Variants in SULT1E1 observed in about 807,000 individuals in gnomAD.
SULT1E1 encodes sulfotransferase 1E1.
In SULT1E1, 36 loss-of-function variants were observed where a neutral mutation model predicts 33.6. The observed-to-expected ratio is 1.07, with a 90% CI of 0.82 to 1.41. The LOEUF is 1.41. Ranked by LOEUF, SULT1E1 falls within the 40% of genes most tolerant of loss-of-function variation. The pLI, the probability that SULT1E1 is intolerant of heterozygous loss-of-function variation, is 0.00. For missense variants in SULT1E1, 371 were observed against 345.7 expected, an observed-to-expected ratio of 1.07 and a Z score of -0.58; for synonymous variants, 121 against 111.7, an observed-to-expected ratio of 1.08 and a Z score of -0.53.
the SULT1E1 span, among the ~76,000 whole-genome samples, chr4:69,825,534 G>C: frequency 6.6e-6 from 1 of 152,104 alleles, no homozygotes; most frequent in Admixed American, 6.6e-5. Flanking sequence ...AAAGCAACTA[G>C]CATGCCTGCT....
chr4:69,853,352 A>G (rs989333854), intron 4 of SULT1E1, among the ~76,000 whole-genome samples: 4 of 152,154 alleles, frequency 2.6e-5, no homozygotes, highest in African/African-American at 9.7e-5. Context: ...CCTCATTACC[A>G]TTAAAATGTC....
chr4:69,831,670 G>A, the SULT1E1 span, among the ~76,000 whole-genome samples: 2 of 152,024 alleles, frequency 1.3e-5, no homozygotes, highest in Non-Finnish European at 1.5e-5. Context: ...CTCCCTTTAC[G>A]ATGTGCACTC....
chr4:69,845,605 T>C (rs967305717), intron 6 of SULT1E1, among the ~76,000 whole-genome samples: 13 of 151,296 alleles, frequency 8.6e-5, no homozygotes, highest in African/African-American at 2.4e-4. Flanking sequence ...ATAGTGATAA[T>C]GTCTTGATTT....
downstream of SULT1E1, among the ~76,000 whole-genome samples, chr4:69,838,937 G>A (rs1720837705): frequency 6.6e-6 from 1 of 152,056 alleles, no homozygotes. Flanking sequence ...TCTTCTGTAT[G>A]GTATATTTAT....
At chr4:69,837,762 T>G (rs1720817437), downstream of SULT1E1, among the ~76,000 whole-genome samples, 1 of 152,094 alleles carries the variant, frequency 6.6e-6, no homozygotes. Context: ...AACTCCTAGG[T>G]TCAAGCAGAC....
At position 69,843,846 on chromosome 4, in the gene SULT1E1, C is replaced by T. The variant is rs138856441; in HGVS notation, c.772+315G>A. The stretch of plus-strand genomic sequence containing the variant: ...AATTTCTGGTTAGAACTTAAAGGAA[C>T]TATATGATACATGTTGTAACACTGA... On this transcript the variant is annotated intron_variant, in intron 7 of 7. Transcript: ENST00000226444. Among the ~76,000 whole-genome samples, 233 of 152,284 alleles carry T rather than the reference C, an allele frequency of 1.5e-3. 1 individual carries two copies. Among genetic ancestry groups the T allele is most frequent in the African/African-American group, 4.7e-3 (195 of 41,576 alleles).
the SULT1E1 span, among the ~76,000 whole-genome samples, chr4:69,829,757 A>G: frequency 6.6e-6 from 1 of 152,160 alleles, no homozygotes; most frequent in Admixed American, 6.5e-5. Context: ...TTCTTTCTGA[A>G]ACTCCAATGG....
intron 2 of SULT1E1, among the ~76,000 whole-genome samples, chr4:69,855,652 C>G (rs148302910): frequency 1.3e-5 from 2 of 152,234 alleles, no homozygotes; most frequent in East Asian, 3.9e-4. Flanking sequence ...ACACCTGAGA[C>G]CTGTGTCCAA....
At chr4:69,838,351 A>G (rs1221468147), downstream of SULT1E1, 5 of 151,838 alleles carry the variant, frequency 3.3e-5, no homozygotes, top group African/African-American at 1.2e-4. Context: ...TGAGAAGAAA[A>G]TTTTTAAATA....
At chr4:69,858,469 T>A (rs958311301) in intron 1 of SULT1E1, among the ~76,000 whole-genome samples, 8 of 152,128 alleles carry the variant, frequency 5.3e-5, no homozygotes, top group Admixed American at 1.3e-4. Flanking sequence ...TCCTTTAGTA[T>A]CTTGTTTTTT....
At chr4:69,851,571 C>A (rs904030942) in intron 4 of SULT1E1, among the ~76,000 whole-genome samples, 1 of 152,122 alleles carries the variant, frequency 6.6e-6, no homozygotes, top group Non-Finnish European at 1.5e-5. Flanking sequence ...TATGGCGATC[C>A]CTCAGGGATC....
At position 69,859,218 on chromosome 4, in the gene SULT1E1, G is replaced by A. The variant is rs368833462; in HGVS notation, c.-10+831C>T. 1.1e-4 allele frequency among the ~76,000 whole-genome samples: 17 copies of A among 151,956 alleles called. No individual in the cohort carries two copies. In the East Asian group the frequency reaches 1.7e-3, roughly 16 times the overall value. On this transcript the variant is annotated intron_variant, in intron 1 of 7. Coordinates refer to ENST00000226444, the MANE Select transcript of SULT1E1 (RefSeq NM_005420.3). The stretch of plus-strand genomic sequence containing the variant: ...ATAAATTCAATTAAACTCAGAAAGT[G>A]TTTTTCCTTCCCGCTCTCCTTCCTC...
intron 1 of SULT1E1, among the ~76,000 whole-genome samples, chr4:69,858,406 G>T (rs1290927579): frequency 6.6e-6 from 1 of 152,054 alleles, no homozygotes. Context: ...TCATGTTCAA[G>T]GTTACTAACA....
chr4:69,840,987 A>G (rs765618610), downstream of SULT1E1, among the ~76,000 whole-genome samples: 2 of 152,166 alleles, frequency 1.3e-5, no homozygotes, highest in Non-Finnish European at 2.9e-5. Flanking sequence ...TGGAGCTTGC[A>G]GTGAGCATGA....
Position 69,851,774 on chromosome 4 carries a change from G to C in SULT1E1, c.370-2211C>G, listed in dbSNP as rs543440332. 4.2e-3 allele frequency among the ~76,000 whole-genome samples: 644 copies of C among 152,164 alleles called. 4 individuals are homozygous for C. The highest frequency in any genetic ancestry group is 7.1e-3 in the Non-Finnish European group (485 of 68,010). On this transcript the variant is annotated intron_variant, in intron 4 of 7. Transcript: ENST00000226444. Reference sequence around the variant, plus strand: ...ATTAAGAAAATGTGGCACATATACAGCATAGAATACTATGCAGCCATAAAA... The same window carrying C: ...ATTAAGAAAATGTGGCACATATACACCATAGAATACTATGCAGCCATAAAA...
intron 4 of SULT1E1, among the ~76,000 whole-genome samples, chr4:69,850,721 C>G (rs1486499286): frequency 6.6e-6 from 1 of 151,970 alleles, no homozygotes; most frequent in Non-Finnish European, 1.5e-5. Flanking sequence ...TCTAGTCTGT[C>G]TTTCTTGAAT....
chr4:69,835,890 C>T, the SULT1E1 span, among the ~76,000 whole-genome samples: 322 of 152,282 alleles, frequency 2.1e-3, 2 homozygotes, highest in Non-Finnish European at 3.5e-3. Flanking sequence ...GCTATTCTCC[C>T]TCCTTGGCGT....
the SULT1E1 span, among the ~76,000 whole-genome samples, chr4:69,822,271 G>T: frequency 6.6e-6 from 1 of 152,124 alleles, no homozygotes; most frequent in Non-Finnish European, 1.5e-5. Flanking sequence ...CACAGGTAAA[G>T]ATACTGAGGC....
At chr4:69,832,846 A>G in the SULT1E1 span, among the ~76,000 whole-genome samples, 1 of 152,176 alleles carries the variant, frequency 6.6e-6, no homozygotes, top group Non-Finnish European at 1.5e-5. Flanking sequence ...ATAGTTACAT[A>G]GCAGACGGCA....
Sources: allele counts gnomAD v4.1 joint callset (sites outside exome capture counted in the v4.1 genomes callset), GRCh38; gene constraint gnomAD v4.1.1; transcripts MANE v1.5; gene names NCBI Gene and HGNC (gene_info 2026-07-23, HGNC 2026-07-21).